The following ATP8B3 variants were observed in gnomAD, a reference collection of about 807,000 sequenced individuals.
ATP8B3 encodes ATPase phospholipid transporting 8B3, also known as phospholipid-transporting ATPase IK.
In ATP8B3, 141 loss-of-function variants were observed where a neutral mutation model predicts 140.9. That is an observed-to-expected ratio of 1.00 (90% CI 0.87 to 1.15). The LOEUF is 1.15. Ranked by LOEUF, ATP8B3 falls within the 50% of genes most tolerant of loss-of-function variation. The pLI is 0.00. For synonymous variants in ATP8B3, 765 were observed against 714.6 expected (o/e 1.07, Z -1.13); for missense variants, 1,874 against 1,740.6 (o/e 1.08, Z -1.36).
chr19:1,782,202 C>G lies in ATP8B3; in HGVS notation c.*826G>C, dbSNP rs1043004010. On this transcript the variant is annotated 3_prime_UTR_variant, in exon 29 of 29. Transcript: ENST00000310127. ...AGAACTGGCTGGAGCTTCTTCTTCC[C>G]AGGAAGGACATCTTCCTGATATGCC... 7.5e-6 allele frequency: 2 copies of G among 267,802 alleles called. No individual in the cohort carries two copies. Among genetic ancestry groups the G allele is most frequent in the Non-Finnish European group, 7.3e-6 (1 of 137,814 alleles). The allele number at this position is 267,802 out of a possible 1,614,324, so 16.6% of individuals were successfully genotyped here.
At chr19:1,797,036 T>A (rs376524437) in intron 14 of ATP8B3, 31 bp from the exon 15 acceptor site, 1 of 1,612,650 alleles carries the variant, frequency 6.2e-7, no homozygotes, top group African/African-American at 1.3e-5. Flanking sequence ...CTGCTTCAGC[T>A]CCCACAGGCC....
chr19:1,797,868 G>C (rs2068730052), intron 14 of ATP8B3, among the ~76,000 whole-genome samples: 16 of 152,014 alleles, frequency 1.1e-4, no homozygotes, highest in Admixed American at 9.8e-4. Context: ...GCAGTGGTGC[G>C]ATCATAGCTC....
At chr19:1,796,638 G>C in intron 16 of ATP8B3, 73 bp downstream of exon 16, 3 of 1,520,026 alleles carry the variant, frequency 2.0e-6, no homozygotes, top group South Asian at 1.3e-5. Context: ...GGCCGGGTGA[G>C]CTGCGGGGCT....
chr19:1,796,261 C>G lies in ATP8B3; in HGVS notation c.1758G>C (p.Gln586His). 6.2e-7 allele frequency: 1 copy of G among 1,608,372 alleles called. No individual in the cohort carries two copies. The highest frequency in any genetic ancestry group is 1.7e-5 in the Admixed American group (1 of 59,322). ...VRESPRERPD[Q>H]LLYQAASPDE... ...CGGGGGAGGCCGCCTGGTACAACAGCTGGTCTGGTAGGGAGGGGGGCCATT... is the reference window on the plus strand; with the variant it reads ...CGGGGGAGGCCGCCTGGTACAACAGGTGGTCTGGTAGGGAGGGGGGCCATT... Residue 586 changes from glutamine to histidine, a missense_variant, in exon 17 of 29, where the codon CAG becomes CAC. Physicochemically the swap from Gln to His is conservative, Grantham distance 24. Transcript: ENST00000310127.
rs1049566827 is a variant in ATP8B3, at chr19:1,807,115, C to CT, written c.615+52_615+53insA. On this transcript the variant is annotated intron_variant, in intron 6 of 28. Transcript: ENST00000310127. This position sits in a 1 kb window ranked among gnomAD's most constrained non-coding sequence, Gnocchi z 5.9. ...ACTCTCGCCCAGGGATCAAGAGACC[C>CT]CCCCGACCGGCCCCGCTCCCTCCCC... 1 of 1,512,050 alleles carries CT rather than the reference C, an allele frequency of 6.6e-7. No individual in the cohort carries two copies. Among genetic ancestry groups the CT allele is most frequent in the Non-Finnish European group, 9.2e-7 (1 of 1,090,786 alleles). 93.7% of individuals were successfully genotyped at this position (1,512,050 alleles called of 1,614,324 possible). A position where few individuals can be genotyped will look rare whatever the true frequency, so the allele number is the denominator to read the frequency against.
rs371568261 is a variant in ATP8B3 at position 1,796,790 on chromosome 19, G to C, written c.1674C>G (p.Asp558Glu). ...GGCGCCAGAACTCCCGCACGGCCTC[G>C]TCCCCGTTGGTCCGCACGAGGTGCA... Reference protein sequence around the residue: ...ALLHLVRTNGDEAVREFWRLL... With the variant: ...ALLHLVRTNGEEAVREFWRLL... The change falls in exon 16 of 29, where the codon GAC becomes GAG. Residue 558 changes from aspartate (D) to glutamate (E), a missense_variant. Asp to Glu is a conservative substitution (Grantham distance 45, BLOSUM62 2). Transcript: ENST00000310127. 1.1e-5 allele frequency: 18 copies of C among 1,612,354 alleles called. No homozygotes were observed. The highest frequency in any genetic ancestry group is 1.5e-5 in the Non-Finnish European group (18 of 1,179,642).
chr19:1,788,345 G>A (rs1395592476), intron 24 of ATP8B3, among the ~76,000 whole-genome samples: 3 of 152,154 alleles, frequency 2.0e-5, no homozygotes, highest in Non-Finnish European at 4.4e-5. Context: ...TGCAGTGCCT[G>A]CCCTTGCTTG....
intron 18 of ATP8B3, among the ~76,000 whole-genome samples, chr19:1,795,456 C>T (rs2068635096): frequency 6.6e-6 from 1 of 152,004 alleles, no homozygotes; most frequent in Non-Finnish European, 1.5e-5. Context: ...GAGGCTGAGG[C>T]AGGAGAATCA....
chr19:1,811,219 A>G (rs1600492295), intron 2 of ATP8B3, among the ~76,000 whole-genome samples: 1 of 149,714 alleles, frequency 6.7e-6, no homozygotes, highest in South Asian at 2.1e-4. Context: ...TCCCCTCCTC[A>G]CCCCCCCAGG....
chr19:1,789,151 C>T (rs760146676), intron 23 of ATP8B3, 31 bp from the exon 24 acceptor site: 5 of 1,517,124 alleles, frequency 3.3e-6, no homozygotes, highest in South Asian at 1.2e-5. Context: ...GTCAGCCCCC[C>T]GCACGCCCCC....
At chr19:1,810,317 G>C (rs2069151467) in intron 3 of ATP8B3, among the ~76,000 whole-genome samples, 1 of 152,200 alleles carries the variant, frequency 6.6e-6, no homozygotes, top group Non-Finnish European at 1.5e-5. Flanking sequence ...GAGTGCAGTA[G>C]CACAATCGCA....
Position 1,802,475 on chromosome 19 carries a change from G to A in ATP8B3, c.1063+12C>T, listed in dbSNP as rs1255434120. On this transcript the variant is annotated intron_variant, in intron 11 of 28. Coordinates refer to ENST00000310127, the MANE Select transcript of ATP8B3 (RefSeq NM_138813.4). ...GTACAGCTCCCACTCCAGGACCCTG[G>A]AGCAGCCGTACCAGCATAAATGACC... The A allele has an allele frequency of 7.4e-7, 1 of 1,357,110 alleles. No individual in the cohort carries two copies. 84.1% of individuals were successfully genotyped at this position (1,357,110 alleles called of 1,614,324 possible). A position where few individuals can be genotyped will look rare whatever the true frequency, so the allele number is the denominator to read the frequency against.
At chr19:1,801,281 A>G (rs1172761411) in intron 12 of ATP8B3, among the ~76,000 whole-genome samples, 2 of 151,536 alleles carry the variant, frequency 1.3e-5, no homozygotes, top group Non-Finnish European at 2.9e-5. Context: ...CCTCCCAAGT[A>G]GCTGGGATTA....
chr19:1,797,136 G>A (rs2068704235), intron 14 of ATP8B3, 131 bp from the exon 15 acceptor site: 2 of 1,397,546 alleles, frequency 1.4e-6, no homozygotes, highest in African/African-American at 1.4e-5. Context: ...TGTGGCCCTG[G>A]AACCGACACC....
intron 16 of ATP8B3, 150 bp downstream of exon 16, chr19:1,796,561 C>A: frequency 9.2e-7 from 1 of 1,083,510 alleles, no homozygotes; most frequent in Non-Finnish European, 1.3e-6. Context: ...CCCGGACGCC[C>A]TCGAGGTGCG....
Position 1,799,995 on chromosome 19 carries a change from G to A in ATP8B3, c.1504C>T (p.Gln502Ter). 6.2e-7 allele frequency: 1 copy of A among 1,606,518 alleles called. No individual in the cohort carries two copies. The highest frequency in any genetic ancestry group is 8.5e-7 in the Non-Finnish European group (1 of 1,176,778). ...IFSDKTGTLT[Q>*]NILTFNKCCI... ...CACTTGTTGAAGGTCAAGATGTTCTGCGTGAGCGTGCCCGTCTTGTCCGAG... is the reference window on the plus strand; with the variant it reads ...CACTTGTTGAAGGTCAAGATGTTCTACGTGAGCGTGCCCGTCTTGTCCGAG... The change falls in exon 14 of 29, where the codon CAG becomes TAG. Residue 502 changes from glutamine to a stop codon, truncating the protein, a stop_gained. Coordinates refer to ENST00000310127, the MANE Select transcript of ATP8B3 (RefSeq NM_138813.4). LOFTEE classifies it high-confidence loss of function.
intron 4 of ATP8B3, 51 bp from the exon 5 acceptor site, chr19:1,808,386 G>C: frequency 2.1e-6 from 3 of 1,437,232 alleles, no homozygotes; most frequent in South Asian, 1.2e-5. Flanking sequence ...TCCAGGCCAG[G>C]GGATGGGGGT....
At chr19:1,787,012 C>T in intron 25 of ATP8B3, 91 bp downstream of exon 25, 1 of 1,293,008 alleles carries the variant, frequency 7.7e-7, no homozygotes, top group Non-Finnish European at 1.1e-6. Flanking sequence ...TGAAGGTCTC[C>T]CAGGCTCCCT....
rs372234659 is a variant in ATP8B3 at position 1,787,094 on chromosome 19, C to T, written c.3153+9G>A. ...ACCTGGAAGGAAGACCCGGCCTTGCCCTGCTCACCTGCTCAAAGAGCCCAA... is the reference window on the plus strand; with the variant it reads ...ACCTGGAAGGAAGACCCGGCCTTGCTCTGCTCACCTGCTCAAAGAGCCCAA... On this transcript the variant is annotated intron_variant, in intron 25 of 28. Coordinates refer to ENST00000310127, the MANE Select transcript of ATP8B3 (RefSeq NM_138813.4). 14 of 1,590,304 alleles carry T rather than the reference C, an allele frequency of 8.8e-6. No individual in the cohort carries two copies. In the East Asian group the frequency reaches 2.5e-4, roughly 28 times the overall value.
Sources: allele counts gnomAD v4.1 joint callset (sites outside exome capture counted in the v4.1 genomes callset), GRCh38; gene constraint gnomAD v4.1.1; non-coding constraint Gnocchi (gnomAD v3.1); transcripts MANE v1.5; gene names NCBI Gene and HGNC (gene_info 2026-07-23, HGNC 2026-07-21).